The following ODF2L variants were observed in gnomAD, a reference collection of about 807,000 sequenced individuals.
ODF2L encodes the protein protein BCAP.
A neutral mutation model predicts 86.3 loss-of-function variants in ODF2L; 76 were observed. The observed-to-expected ratio is 0.88, with a 90% CI of 0.73 to 1.07. ODF2L has a LOEUF of 1.07. Ranked by LOEUF, ODF2L falls within the 50% of genes least tolerant of loss-of-function variation. The pLI is 0.00. For synonymous variants in ODF2L, 241 were observed against 231.3 expected, an observed-to-expected ratio of 1.04 and a Z score of -0.38; for missense variants, 748 against 717.4, an observed-to-expected ratio of 1.04 and a Z score of -0.49.
intron 13 of ODF2L, chr1:86,358,255 G>A (rs1041959178): frequency 5.6e-6 from 1 of 177,404 alleles, no homozygotes; most frequent in Admixed American, 6.5e-5. Flanking sequence ...AAACAGAGAT[G>A]CGGTTTCATT....
chr1:86,354,373 T>G (rs1658374872), intron 16 of ODF2L, among the ~76,000 whole-genome samples, 157 bp downstream of exon 15: 1 of 152,206 alleles, frequency 6.6e-6, no homozygotes. Flanking sequence ...AATGTATCTG[T>G]TTTGCTTGAA....
chr1:86,372,044 C>T (rs1245175732), intron 9 of ODF2L, among the ~76,000 whole-genome samples: 1 of 151,898 alleles, frequency 6.6e-6, no homozygotes, highest in Non-Finnish European at 1.5e-5. Context: ...AAAAAAACAG[C>T]TGGGCTTGGT....
chr1:86,347,046 T>C (rs1047126891), downstream of ODF2L: 1 of 152,174 alleles, frequency 6.6e-6, no homozygotes, highest in African/African-American at 2.4e-5. Flanking sequence ...ACATAGCAAG[T>C]GCTTAATCAA....
At chr1:86,383,081 G>A in intron 5 of ODF2L, 53 bp downstream of exon 5, 1 of 1,306,996 alleles carries the variant, frequency 7.7e-7, no homozygotes, top group South Asian at 1.2e-5. Flanking sequence ...CAAGCAGCAT[G>A]CAAATAACAA....
At chr1:86,384,493 A>G (rs1026341616) in intron 4 of ODF2L, among the ~76,000 whole-genome samples, 183 bp downstream of exon 4, 6 of 151,868 alleles carry the variant, frequency 4.0e-5, no homozygotes, top group African/African-American at 1.4e-4. Flanking sequence ...TACATTTTCT[A>G]TAAAAACGTG....
chr1:86,366,391 TACACACACAC>T (rs71643841), intron 11 of ODF2L, among the ~76,000 whole-genome samples: 88 of 119,364 alleles, frequency 7.4e-4, no homozygotes, highest in East Asian at 2.4e-3. Context: ...AGACCCCACC[TACACACACAC>T]ACACACACAC....
At chr1:86,368,912 T>C (rs1270703060) in intron 10 of ODF2L, among the ~76,000 whole-genome samples, 1 of 152,162 alleles carries the variant, frequency 6.6e-6, no homozygotes, top group Non-Finnish European at 1.5e-5. Context: ...GTTATATACA[T>C]AAATCTGTTT....
At chr1:86,348,034 G>T (rs190185467), downstream of ODF2L, 2 of 152,058 alleles carry the variant, frequency 1.3e-5, no homozygotes, top group East Asian at 1.9e-4. Context: ...TTAACTAAGG[G>T]GCTCTAGAAT....
chr1:86,353,066 T>C lies in ODF2L; in HGVS notation c.1768-82A>G, dbSNP rs540891962. ...GCCTTGACAGTTATATTGTACCTTT[T>C]TTCTAAACAGATATTACTTGTATGT... On this transcript the variant is annotated intron_variant, in intron 16 of 17. Coordinates refer to ENST00000317336, the Ensembl canonical transcript of ODF2L. 82 of 878,602 alleles carry C rather than the reference T, an allele frequency of 9.3e-5. 1 individual carries two copies. In the African/African-American group the frequency reaches 1.3e-3, roughly 14 times the overall value. The allele number at this position is 878,602 out of a possible 1,614,324, so 54.4% of individuals were successfully genotyped here.
chr1:86,353,077 A>C, intron 16 of ODF2L, 93 bp from the exon 16 acceptor site: 1 of 794,952 alleles, frequency 1.3e-6, no homozygotes, highest in South Asian at 1.6e-5. Flanking sequence ...TTCTAAACAG[A>C]TATTACTTGT....
In ODF2L at chr1:86,384,820, C is replaced by T; in HGVS notation, c.247-19G>A. 1.4e-6 allele frequency: 2 copies of T among 1,465,334 alleles called. No homozygotes were observed. The highest frequency in any genetic ancestry group is 1.8e-6 in the Non-Finnish European group (2 of 1,110,156). The allele number at this position is 1,465,334 out of a possible 1,614,324, so 90.8% of individuals were successfully genotyped here. A position where few individuals can be genotyped will look rare whatever the true frequency, so the allele number is the denominator to read the frequency against. On this transcript the variant is annotated intron_variant, in intron 3 of 17. Coordinates refer to ENST00000317336, the Ensembl canonical transcript of ODF2L. Reference sequence around the variant, plus strand: ...GATTCGCCTGACAAATTATAAGAACCACATACACATTTTAAGACACAGCAT... The same window carrying T: ...GATTCGCCTGACAAATTATAAGAACTACATACACATTTTAAGACACAGCAT...
exon 4 of ODF2L, chr1:86,384,712 A>G: frequency 6.5e-7 from 1 of 1,527,728 alleles, no homozygotes. Context: ...GATGTTCTAA[A>G]GCTAGTTTTA....
Position 86,382,229 on chromosome 1 carries a change from A to ATG in ODF2L, c.624+12_624+13insCA. ...ACTTAAGCTATAAAAATGGATATATATTTATATATAACCTTTACATATTCT... is the reference window on the plus strand; with the variant it reads ...ACTTAAGCTATAAAAATGGATATATATGTTTATATATAACCTTTACATATTCT... On this transcript the variant is annotated intron_variant, in intron 7 of 17. Coordinates refer to ENST00000317336, the Ensembl canonical transcript of ODF2L. 1 of 1,575,982 alleles carries ATG rather than the reference A, an allele frequency of 6.3e-7. No homozygotes were observed. The highest frequency in any genetic ancestry group is 8.6e-7 in the Non-Finnish European group (1 of 1,165,614).
chr1:86,354,811 TTTCCTC>T, exon 15 of ODF2L: 1 of 1,608,252 alleles, frequency 6.2e-7, no homozygotes. Context: ...ATAAGACAGT[TTTCCTC>T]TTCCAGAGAA....
intron 1 of ODF2L, among the ~76,000 whole-genome samples, chr1:86,389,234 T>C (rs972915346): frequency 1.3e-5 from 2 of 152,346 alleles, no homozygotes; most frequent in African/African-American, 4.8e-5. Context: ...AACTGACAAA[T>C]GTACTTCTGT....
intron 11 of ODF2L, among the ~76,000 whole-genome samples, chr1:86,367,393 C>T (rs968215231): frequency 5.3e-5 from 8 of 152,032 alleles, no homozygotes; most frequent in African/African-American, 1.7e-4. Context: ...AACATTGGAA[C>T]CAGGGTAGCA....
intron 14 of ODF2L, 26 bp from the exon 14 acceptor site, chr1:86,354,885 A>G: frequency 7.5e-7 from 1 of 1,333,852 alleles, no homozygotes; most frequent in Non-Finnish European, 1.1e-6. Flanking sequence ...AAGTTTTCTT[A>G]GTCATTTTCT....
intron 3 of ODF2L, 134 bp from the exon 4 acceptor site, chr1:86,384,935 C>A (rs192100941): frequency 1.9e-6 from 1 of 538,998 alleles, no homozygotes; most frequent in Non-Finnish European, 2.8e-6. Context: ...ATAAATGCTA[C>A]GAAATTTGTC....
At chr1:86,352,197 A>G in exon 18 of ODF2L, 6 of 1,517,300 alleles carry the variant, frequency 4.0e-6, no homozygotes, top group Non-Finnish European at 5.3e-6. Context: ...GATTTCATGG[A>G]GTCTCTGGAT....
Sources: gnomAD v4.1 joint callset for allele counts (sites outside exome capture counted in the v4.1 genomes callset) on GRCh38, gnomAD v4.1.1 for gene constraint, MANE v1.5 for transcripts, NCBI Gene and HGNC (gene_info 2026-07-23, HGNC 2026-07-21) for gene names.